The following CHTOP variants were observed in gnomAD, a reference collection of about 807,000 sequenced individuals.
CHTOP encodes chromatin target of PRMT1 protein.
CHTOP carries 18 observed loss-of-function variants against 33.6 expected under a neutral mutation model. The ratio of observed to expected loss-of-function variants is 0.54; its 90% CI spans 0.37 to 0.80. CHTOP has a LOEUF of 0.80. Among genes scored for constraint, CHTOP ranks in the 30% least tolerant of loss-of-function variants. The pLI, the probability that CHTOP is intolerant of heterozygous loss-of-function variation, is 0.00. For synonymous variants in CHTOP, 117 were observed against 127.7 expected (o/e 0.92, Z 0.56); for missense variants, 263 against 336.8 (o/e 0.78, Z 1.71).
At chr1:153,639,998 T>A (rs1668562313) in intron 3 of CHTOP, among the ~76,000 whole-genome samples, 1 of 152,082 alleles carries the variant, frequency 6.6e-6, no homozygotes, top group South Asian at 2.1e-4. Flanking sequence ...GGTCTTGAAC[T>A]CCTGACCTCA....
At chr1:153,641,093 T>C (rs979008403) in intron 3 of CHTOP, among the ~76,000 whole-genome samples, 7 of 152,254 alleles carry the variant, frequency 4.6e-5, no homozygotes, top group Non-Finnish European at 1.0e-4. Flanking sequence ...CACCTACTTA[T>C]GCTAGATGCA....
rs1668685140 is a variant in CHTOP, at chr1:153,643,055, G to C, written c.404-172G>C. Reference sequence around the variant, plus strand: ...AAATGGATTTGTGGTCAGACTTGTTGAATTGATTGAATAAAGAGTAGCTTA... The same window carrying C: ...AAATGGATTTGTGGTCAGACTTGTTCAATTGATTGAATAAAGAGTAGCTTA... On this transcript the variant is annotated intron_variant, in intron 4 of 5. Transcript: ENST00000368694. The C allele has an allele frequency of 4.1e-6, 3 of 727,428 alleles. No homozygotes were observed. The South Asian group carries it at 4.9e-5, about 12-fold the overall frequency. The allele number at this position is 727,428 out of a possible 1,614,324, so 45.1% of individuals were successfully genotyped here.
At chr1:153,641,807 A>G (rs560148266) in intron 3 of CHTOP, among the ~76,000 whole-genome samples, 8 of 152,344 alleles carry the variant, frequency 5.3e-5, no homozygotes, top group Admixed American at 2.6e-4. Context: ...TGAACTTCCT[A>G]TGGTGTTTGA....
chr1:153,634,875 C>T (rs527756537), intron 1 of CHTOP, among the ~76,000 whole-genome samples: 51 of 146,172 alleles, frequency 3.5e-4, no homozygotes, highest in African/African-American at 1.2e-3. Context: ...TGGGGGGGGA[C>T]GGAGTTTCGC....
intron 4 of CHTOP, chr1:153,642,871 G>C (rs1008234734): frequency 6.4e-6 from 2 of 313,448 alleles, no homozygotes; most frequent in African/African-American, 4.5e-5. Context: ...CTATTACTCT[G>C]TTCCCTGTAT....
chr1:153,645,024 G>A, intron 5 of CHTOP, 40 bp from the exon 6 acceptor site: 4 of 1,535,836 alleles, frequency 2.6e-6, no homozygotes, highest in Non-Finnish European at 2.6e-6. Flanking sequence ...AAACTTACTT[G>A]TAACTGTCTC....
chr1:153,639,076 T>C (rs1668519696), intron 3 of CHTOP, among the ~76,000 whole-genome samples: 1 of 152,034 alleles, frequency 6.6e-6, no homozygotes, highest in South Asian at 2.1e-4. Flanking sequence ...AGAGACAGGG[T>C]TTCACCATAC....
intron 1 of CHTOP, among the ~76,000 whole-genome samples, chr1:153,634,955 G>A (rs1205391238): frequency 6.6e-6 from 1 of 151,936 alleles, no homozygotes; most frequent in Non-Finnish European, 1.5e-5. Context: ...CCGGGTTCAA[G>A]CGATTCTCCT....
At chr1:153,641,616 TGTAAG>T (rs922261230) in intron 3 of CHTOP, among the ~76,000 whole-genome samples, 2 of 152,332 alleles carry the variant, frequency 1.3e-5, no homozygotes, top group Middle Eastern at 3.4e-3. Flanking sequence ...TTTTAAGAAA[TGTAAG>T]GAAAGGAGAT....
rs921899297 is a variant in CHTOP, at chr1:153,643,209, G to C, written c.404-18G>C. 1 of 1,613,862 alleles carries C rather than the reference G, an allele frequency of 6.2e-7. No homozygotes were observed. Among genetic ancestry groups the C allele is most frequent in the Non-Finnish European group, 8.5e-7 (1 of 1,179,818 alleles). On this transcript the variant is annotated intron_variant, in intron 4 of 5. Transcript: ENST00000368694. ...TCTTGGATTTACCTGCATATACATT[G>C]TATGCCTCCTCTCTAAGGTCAAAAC... is the stretch of plus-strand genomic sequence containing the variant.
chr1:153,644,241 TC>T (rs1668725255), intron 5 of CHTOP: 1 of 152,226 alleles, frequency 6.6e-6, no homozygotes, highest in African/African-American at 2.4e-5. Context: ...TTTTCTTCTC[TC>T]CCATTATATG....
At chr1:153,641,327 C>T (rs892272494) in intron 3 of CHTOP, among the ~76,000 whole-genome samples, 2 of 152,184 alleles carry the variant, frequency 1.3e-5, no homozygotes, top group Admixed American at 6.5e-5. Context: ...TGGTTGTGTT[C>T]AGGGCTATTG....
intron 3 of CHTOP, 176 bp downstream of exon 3, chr1:153,638,624 CT>C: frequency 3.0e-6 from 2 of 676,014 alleles, no homozygotes; most frequent in Non-Finnish European, 5.3e-6. Flanking sequence ...CAATAAGTAA[CT>C]TTTTACTGTC....
At chr1:153,638,604 T>G (rs1668497025) in intron 3 of CHTOP, 156 bp downstream of exon 3, 1 of 834,568 alleles carries the variant, frequency 1.2e-6, no homozygotes, top group Non-Finnish European at 2.0e-6. Context: ...ATTCCAATTT[T>G]GGCAGGTACC....
At chr1:153,642,534 TTAATA>T (rs778375046) in intron 4 of CHTOP, 105 bp downstream of exon 4, 18 of 863,330 alleles carry the variant, frequency 2.1e-5, no homozygotes, top group Middle Eastern at 3.5e-4. Context: ...TGAATTTGTA[TTAATA>T]TAATAACTTC....
At position 153,642,353 on chromosome 1, in the gene CHTOP, G is replaced by A. The variant is rs763410002; in HGVS notation, c.327G>A (p.Gln109=). The A allele has an allele frequency of 1.2e-6, 2 of 1,614,204 alleles. No homozygotes were observed. Among genetic ancestry groups the A allele is most frequent in the Non-Finnish European group, 1.7e-6 (2 of 1,180,028 alleles). ...GAGGACGAGGCCTACCCATAATCCA[G>A]AGAGGCTTGCCCAGAGGAGGACTAC... The part of the protein sequence containing the change: ...AIGGRGLPII[Q]RGLPRGGLRG... The change falls in exon 4 of 6, where the codon CAG becomes CAA. Residue 109 remains glutamine (Q), a synonymous_variant. Coordinates refer to ENST00000368694, the MANE Select transcript of CHTOP (RefSeq NM_015607.4).
chr1:153,643,573 A>G (rs1668702217), intron 5 of CHTOP: 1 of 463,734 alleles, frequency 2.2e-6, no homozygotes. Flanking sequence ...TGCATATTAT[A>G]GAGCCAGATT....
rs1452832098 is a variant in CHTOP at position 153,645,941 on chromosome 1, T to C, written c.*672T>C. ...ACCATAACCAGCGTGTTGGGTTGAA[T>C]TGCACTTTCTACCTTTGTATGAGAT... On this transcript the variant is annotated 3_prime_UTR_variant, in exon 6 of 6. Coordinates refer to ENST00000368694, the MANE Select transcript of CHTOP (RefSeq NM_015607.4). 2.0e-5 allele frequency: 3 copies of C among 152,434 alleles called. No individual in the cohort carries two copies. The highest frequency in any genetic ancestry group is 2.9e-5 in the Non-Finnish European group (2 of 68,240). The allele number at this position is 152,434 out of a possible 1,614,324, so 9.4% of individuals were successfully genotyped here. A position where few individuals can be genotyped will look rare whatever the true frequency, so the allele number is the denominator to read the frequency against.
At position 153,642,368 on chromosome 1, in the gene CHTOP, A is replaced by G. The variant is rs1668657447; in HGVS notation, c.342A>G (p.Arg114=). ...GLPIIQRGLP[R]GGLRGGRATR... Reference sequence around the variant, plus strand: ...CCATAATCCAGAGAGGCTTGCCCAGAGGAGGACTACGTGGGGGACGTGCCA... The same window carrying G: ...CCATAATCCAGAGAGGCTTGCCCAGGGGAGGACTACGTGGGGGACGTGCCA... The change falls in exon 4 of 6, where the codon AGA becomes AGG. Residue 114 remains arginine (R), a synonymous_variant. Coordinates refer to ENST00000368694, the MANE Select transcript of CHTOP (RefSeq NM_015607.4). The G allele has an allele frequency of 6.2e-7, 1 of 1,614,014 alleles. No individual in the cohort carries two copies. The highest frequency in any genetic ancestry group is 8.5e-7 in the Non-Finnish European group (1 of 1,180,018).
Sources: allele counts gnomAD v4.1 joint callset (sites outside exome capture counted in the v4.1 genomes callset), GRCh38; gene constraint gnomAD v4.1.1; transcripts MANE v1.5; gene names NCBI Gene and HGNC (gene_info 2026-07-23, HGNC 2026-07-21).